Variants in EDEM2 observed in about 807,000 individuals in gnomAD.
EDEM2 encodes the protein ER degradation-enhancing alpha-mannosidase-like protein 2.
In EDEM2, 39 loss-of-function variants were observed where a neutral mutation model predicts 64.8. The observed-to-expected ratio is 0.60, with a 90% confidence interval of 0.47 to 0.79. The LOEUF (loss-of-function observed/expected upper bound fraction) is 0.79. EDEM2 is among the 30% of genes least tolerant of loss of function. The pLI is 0.00. For synonymous variants in EDEM2, 296 were observed against 291.5 expected (o/e 1.02, Z -0.16); for missense variants, 609 against 731.3 (o/e 0.83, Z 1.93).
intron 7 of EDEM2, among the ~76,000 whole-genome samples, chr20:35,129,114 T>C (rs956566208): frequency 6.6e-6 from 1 of 151,404 alleles, no homozygotes; most frequent in Non-Finnish European, 1.5e-5. Flanking sequence ...CTACTAAAAA[T>C]ACAAAAATTA....
intron 5 of EDEM2, among the ~76,000 whole-genome samples, chr20:35,135,257 C>T (rs926487319): frequency 2.8e-4 from 42 of 152,192 alleles, no homozygotes; most frequent in Non-Finnish European, 5.6e-4. Flanking sequence ...TTATTTTACA[C>T]TACGCCTTCA....
In EDEM2 at chr20:35,142,382, T is replaced by C; in HGVS notation, c.355A>G (p.Asn119Asp). 5.6e-6 allele frequency: 9 copies of C among 1,613,576 alleles called. No individual in the cohort carries two copies. The highest frequency in any genetic ancestry group is 7.6e-6 in the Non-Finnish European group (9 of 1,179,600). ...IDVNASVFET[N>D]IRVVGGLLSA... ...AGAGAGCAGCCCTTACCTCGAATGT[T>C]TGTTTCAAACACAGAGGCGTTCACA... The change falls in exon 4 of 11, where the codon AAC becomes GAC. Residue 119 changes from asparagine (N) to aspartate (D), a missense_variant. Transcript: ENST00000374492.
intron 5 of EDEM2, among the ~76,000 whole-genome samples, chr20:35,136,056 G>C (rs1027232693): frequency 6.6e-5 from 10 of 152,188 alleles, no homozygotes; most frequent in African/African-American, 2.4e-4. Context: ...TCACCAAACT[G>C]TGAACAAAGG....
intron 7 of EDEM2, among the ~76,000 whole-genome samples, chr20:35,128,795 G>A (rs6060254): frequency 0.79 from 118,578 of 149,960 alleles, 48,059 homozygotes; most frequent in African/African-American, 0.89. Context: ...TCTAAAAGGT[G>A]AAAACAAAAT....
intron 10 of EDEM2, chr20:35,118,372 C>A: frequency 1.8e-6 from 1 of 562,666 alleles, no homozygotes; most frequent in Non-Finnish European, 3.1e-6. Context: ...GTCAAGATCC[C>A]AAGGAACTAA....
At chr20:35,134,676 T>C in intron 6 of EDEM2, 62 bp downstream of exon 6, 3 of 1,583,646 alleles carry the variant, frequency 1.9e-6, no homozygotes, top group African/African-American at 1.3e-5. Flanking sequence ...CTGCAACTTA[T>C]TGCTCAGAGC....
At chr20:35,123,836 G>A in intron 9 of EDEM2, 54 bp downstream of exon 9, 1 of 1,596,646 alleles carries the variant, frequency 6.3e-7, no homozygotes, top group Non-Finnish European at 8.5e-7. Context: ...AGGGGATTTG[G>A]GGTTTCAGCA....
chr20:35,144,042 AATGGAGCCACAGAC>A (rs1204734814), intron 3 of EDEM2, among the ~76,000 whole-genome samples: 2 of 151,628 alleles, frequency 1.3e-5, no homozygotes, highest in Non-Finnish European at 1.5e-5. Context: ...CTCCCTAACA[AATGGAGCCACAGAC>A]ATGTGCCATC....
intron 8 of EDEM2, among the ~76,000 whole-genome samples, chr20:35,125,560 A>AT (rs1469900333): frequency 2.6e-5 from 4 of 151,410 alleles, no homozygotes; most frequent in Non-Finnish European, 5.9e-5. Flanking sequence ...AATTTTTTGT[A>AT]TTTTTAGTAG....
At position 35,115,754 on chromosome 20, in the gene EDEM2, G is replaced by A. The variant is rs936191702; in HGVS notation, c.1416C>T (p.Ile472=). The change falls in exon 11 of 11, where the codon ATC becomes ATT. Residue 472 remains isoleucine, a synonymous_variant. Transcript: ENST00000374492. ...CGATGGGGTGAGCTTCTGTGTTGAAGATGTACCCCCCAGCCCCCAGGATGC... is the reference window on the plus strand; with the variant it reads ...CGATGGGGTGAGCTTCTGTGTTGAAAATGTACCCCCCAGCCCCCAGGATGC... The part of the protein sequence containing the change: ...GECILGAGGY[I]FNTEAHPIDP... The A allele has an allele frequency of 3.1e-6, 5 of 1,614,214 alleles. No homozygotes were observed. Among genetic ancestry groups the A allele is most frequent in the South Asian group, 1.1e-5 (1 of 91,088 alleles).
chr20:35,139,864 A>G (rs1425260677), intron 4 of EDEM2, among the ~76,000 whole-genome samples: 2 of 152,066 alleles, frequency 1.3e-5, no homozygotes, highest in African/African-American at 4.8e-5. Context: ...AAAGTTTTTA[A>G]AAGGAGAAGA....
At position 35,134,757 on chromosome 20, in the gene EDEM2, C is replaced by G. The variant is rs2085551685; in HGVS notation, c.683G>C (p.Ser228Thr). Residue 228 changes from serine (S) to threonine (T), a missense_variant, in exon 6 of 11, where the codon AGC becomes ACC. Physicochemically the swap from Ser to Thr is moderately conservative, Grantham distance 58 (BLOSUM62 1). Coordinates refer to ENST00000374492, the MANE Select transcript of EDEM2 (RefSeq NM_018217.3). ...ACCTACCAGCCCGATATCTGACCGG[C>G]TCTCCCAGAGGCGCATCAAAGCCAC... ...ARVALMRLWE[S>T]RSDIGLVGNH... 6.2e-7 allele frequency: 1 copy of G among 1,613,286 alleles called. No homozygotes were observed. Among genetic ancestry groups the G allele is most frequent in the Admixed American group, 1.7e-5 (1 of 60,002 alleles).
chr20:35,141,119 CAAAAAAAAAAA>C (rs58702725), intron 4 of EDEM2, among the ~76,000 whole-genome samples: 9 of 29,380 alleles, frequency 3.1e-4, no homozygotes, highest in African/African-American at 5.3e-4. Flanking sequence ...GACTCCGCCT[CAAAAAAAAAAA>C]AAAAAAAAAA....
At chr20:35,139,582 G>A (rs1440408993) in intron 4 of EDEM2, among the ~76,000 whole-genome samples, 1 of 151,298 alleles carries the variant, frequency 6.6e-6, no homozygotes, top group Non-Finnish European at 1.5e-5. Flanking sequence ...CCCAGGAGGC[G>A]GAGGTTGCAG....
intron 6 of EDEM2, among the ~76,000 whole-genome samples, chr20:35,132,258 C>T (rs1317981721): frequency 2.6e-5 from 4 of 151,566 alleles, no homozygotes; most frequent in Non-Finnish European, 5.9e-5. Context: ...TAGCTGGAGA[C>T]AGGGGCAAAA....
At chr20:35,125,288 T>C (rs2085417050) in intron 8 of EDEM2, among the ~76,000 whole-genome samples, 1 of 151,866 alleles carries the variant, frequency 6.6e-6, no homozygotes, top group South Asian at 2.1e-4. Context: ...CTTGATCTTC[T>C]GGGTTCAAGC....
chr20:35,115,971 C>T (rs372838710), intron 10 of EDEM2, 38 bp from the exon 11 acceptor site: 2 of 1,592,494 alleles, frequency 1.3e-6, no homozygotes, highest in African/African-American at 2.8e-5. Context: ...GGAACACCAT[C>T]ACAATTTAGT....
chr20:35,120,286 C>T (rs1419813150), intron 9 of EDEM2, among the ~76,000 whole-genome samples: 2 of 152,114 alleles, frequency 1.3e-5, no homozygotes, highest in East Asian at 3.9e-4. Flanking sequence ...TGGTCTCAAA[C>T]TCCTGACCTC....
intron 2 of EDEM2, among the ~76,000 whole-genome samples, chr20:35,145,989 C>T (rs956066362): frequency 3.7e-5 from 4 of 109,356 alleles, no homozygotes; most frequent in Non-Finnish European, 5.1e-5. Context: ...GTAACAAGAG[C>T]GAAACTCCAT....
Sources: gnomAD v4.1 joint callset for allele counts (sites outside exome capture counted in the v4.1 genomes callset) on GRCh38, gnomAD v4.1.1 for gene constraint, MANE v1.5 for transcripts, NCBI Gene and HGNC (gene_info 2026-07-23, HGNC 2026-07-21) for gene names.